Variants in ABCC12 observed in about 807,000 individuals in gnomAD.
ABCC12 encodes the protein ATP binding cassette subfamily C member 12, also known as ATP-binding cassette sub-family C member 12.
A neutral mutation model predicts 151.1 loss-of-function variants in ABCC12; 142 were observed. The ratio of observed to expected loss-of-function variants is 0.94; its 90% CI spans 0.82 to 1.08. The LOEUF is 1.08. Ranked by LOEUF, ABCC12 falls within the 50% of genes least tolerant of loss-of-function variation. ABCC12 has a pLI of 0.00. For synonymous variants in ABCC12, 645 were observed against 646.4 expected (o/e 1.00, Z 0.03); for missense variants, 1,638 against 1,691.1 (o/e 0.97, Z 0.55).
intron 29 of ABCC12, among the ~76,000 whole-genome samples, chr16:48,084,385 T>C (rs2150576748): frequency 6.6e-6 from 1 of 152,358 alleles, no homozygotes; most frequent in East Asian, 1.9e-4. Flanking sequence ...CTTTATCTAC[T>C]GTGCTAAACT....
chr16:48,107,871 G>A (rs1039893044), intron 19 of ABCC12, among the ~76,000 whole-genome samples: 3 of 151,966 alleles, frequency 2.0e-5, no homozygotes, highest in Admixed American at 6.6e-5. Context: ...GCATAGTGGC[G>A]GGTGCCTGTA....
intron 2 of ABCC12, among the ~76,000 whole-genome samples, chr16:48,151,206 G>A (rs776628868): frequency 1.3e-5 from 2 of 152,152 alleles, no homozygotes; most frequent in Admixed American, 6.5e-5. Context: ...ATATGATGGG[G>A]CAAAAAGGGC....
intron 15 of ABCC12, among the ~76,000 whole-genome samples, chr16:48,113,689 C>T (rs1963779139): frequency 6.6e-6 from 1 of 152,120 alleles, no homozygotes; most frequent in African/African-American, 2.4e-5. Context: ...CTGGTGGCTA[C>T]CTGCCTCTTC....
chr16:48,085,326 C>T lies in ABCC12; in HGVS notation c.3828+267G>A, dbSNP rs143580117. On this transcript the variant is annotated intron_variant, in intron 29 of 30. Transcript: ENST00000311303. The stretch of plus-strand genomic sequence containing the variant: ...AAAGTTGGGAGACAGATTTTTCAAA[C>T]TCAAACCACTTAGGCAAGCAGAGTG... 3.3e-5 allele frequency among the ~76,000 whole-genome samples: 5 copies of T among 152,242 alleles called. No homozygotes were observed. The East Asian group carries it at 9.7e-4, about 29-fold the overall frequency.
chr16:48,091,100 C>G lies in ABCC12; in HGVS notation c.3285+20G>C, dbSNP rs781606519. On this transcript the variant is annotated intron_variant, in intron 25 of 30. Coordinates refer to ENST00000311303, the MANE Select transcript of ABCC12 (RefSeq NM_001393797.1). ...GCCAAAATTAACTTGTCCCTCCTCT[C>G]TGATGCACTAATTTCTTACCGAAAT... The G allele has an allele frequency of 3.8e-5, 62 of 1,612,428 alleles. 1 individual carries two copies. The South Asian group carries it at 5.1e-4, about 13-fold the overall frequency.
chr16:48,126,378 C>T (rs1964239554), intron 11 of ABCC12, among the ~76,000 whole-genome samples: 1 of 152,158 alleles, frequency 6.6e-6, no homozygotes. Context: ...CACCTCCAAG[C>T]CAGGAGCTGG....
intron 14 of ABCC12, among the ~76,000 whole-genome samples, chr16:48,116,708 C>G (rs1326265091): frequency 6.6e-6 from 1 of 152,186 alleles, no homozygotes; most frequent in Non-Finnish European, 1.5e-5. Context: ...CTTTAGCCTT[C>G]TGATCTCCTC....
At chr16:48,131,270 C>A (rs768710097) in intron 9 of ABCC12, among the ~76,000 whole-genome samples, 3 of 152,200 alleles carry the variant, frequency 2.0e-5, no homozygotes, top group Non-Finnish European at 4.4e-5. Flanking sequence ...TCCTAAAGCA[C>A]CCCCTGCTCT....
chr16:48,104,091 A>AG (rs1241406976), intron 22 of ABCC12, 51 bp downstream of exon 22: 1 of 1,541,342 alleles, frequency 6.5e-7, no homozygotes, highest in African/African-American at 1.4e-5. Flanking sequence ...CCTGATACCC[A>AG]GTCAGTGTGT....
intron 13 of ABCC12, among the ~76,000 whole-genome samples, chr16:48,117,578 T>C (rs16945824): frequency 0.063 from 9,619 of 152,236 alleles, 1,014 homozygotes; most frequent in African/African-American, 0.22. Flanking sequence ...TGGCAGGGTT[T>C]TCGCCAAGCA....
chr16:48,087,943 C>G lies in ABCC12; in HGVS notation c.3618G>C (p.Leu1206=), dbSNP rs985348714. ...ACAGCTACCTTACTGTACCTACAAA[C>G]AGGACAGGATCCTGTGGGATCACAG... ...KLTVIPQDPV[L]FVGTVRYNLD... Residue 1206 remains leucine, a synonymous_variant, in exon 27 of 31, where the codon CTG becomes CTC. Coordinates refer to ENST00000311303, the MANE Select transcript of ABCC12 (RefSeq NM_001393797.1). 1.2e-6 allele frequency: 2 copies of G among 1,612,856 alleles called. No homozygotes were observed. Among genetic ancestry groups the G allele is most frequent in the African/African-American group, 1.3e-5 (1 of 74,822 alleles).
rs199886498 is a variant in ABCC12, at chr16:48,121,855, C to A, written c.1588-15G>T. 1.2e-6 allele frequency: 2 copies of A among 1,613,790 alleles called. No individual in the cohort carries two copies. Among genetic ancestry groups the A allele is most frequent in the African/African-American group, 2.7e-5 (2 of 74,920 alleles). The stretch of plus-strand genomic sequence containing the variant: ...TGCAGCTGCATCTGGAACAACAAGA[C>A]GGGAGAAGCTTCAGGAGCCAAGCCT... On this transcript the variant is annotated splice_polypyrimidine_tract_variant and intron_variant, in intron 12 of 30. Transcript: ENST00000311303.
intron 23 of ABCC12, among the ~76,000 whole-genome samples, chr16:48,097,725 T>C (rs1178797546): frequency 6.6e-6 from 1 of 152,130 alleles, no homozygotes; most frequent in African/African-American, 2.4e-5. Flanking sequence ...GATGTGACGG[T>C]CCCTGGCATG....
intron 2 of ABCC12, among the ~76,000 whole-genome samples, chr16:48,149,982 T>C (rs778227282): frequency 1.1e-4 from 17 of 152,204 alleles, no homozygotes; most frequent in Non-Finnish European, 1.9e-4. Flanking sequence ...GCACCCCTGG[T>C]GGGAATATAA....
Position 48,099,831 on chromosome 16 carries a change from C to A in ABCC12, c.3038+1041G>T, listed in dbSNP as rs528469792. Among the ~76,000 whole-genome samples the A allele has an allele frequency of 3.1e-3, 467 of 152,292 alleles. 2 individuals carry two copies. The highest frequency in any genetic ancestry group is 7.1e-3 in the Admixed American group (108 of 15,296). ...ACAGACTATGCCTGAGTGTGGAGTA[C>A]AATCACCTACTGTTGCCCCATGGAC... On this transcript the variant is annotated intron_variant, in intron 23 of 30. Coordinates refer to ENST00000311303, the MANE Select transcript of ABCC12 (RefSeq NM_001393797.1).
intron 2 of ABCC12, among the ~76,000 whole-genome samples, chr16:48,149,999 T>C (rs2150685890): frequency 6.6e-6 from 1 of 152,348 alleles, no homozygotes; most frequent in South Asian, 2.1e-4. Flanking sequence ...ATAAATTGTA[T>C]AACTAATTTT....
chr16:48,101,132 A>C, intron 22 of ABCC12, 123 bp from the exon 23 acceptor site: 1 of 1,186,922 alleles, frequency 8.4e-7, no homozygotes, highest in Non-Finnish European at 1.2e-6. Flanking sequence ...GTGCCATCTA[A>C]CTGGGGATGA....
At chr16:48,131,191 T>G (rs1197201549) in intron 9 of ABCC12, among the ~76,000 whole-genome samples, 2 of 152,304 alleles carry the variant, frequency 1.3e-5, no homozygotes, top group Admixed American at 1.3e-4. Flanking sequence ...CAGAATACAT[T>G]TGGCAATCTC....
intron 14 of ABCC12, among the ~76,000 whole-genome samples, chr16:48,116,341 G>A (rs1378656146): frequency 6.6e-6 from 1 of 152,170 alleles, no homozygotes; most frequent in Non-Finnish European, 1.5e-5. Context: ...GGGCAGGGTA[G>A]TTATGTACAT....
Sources: gnomAD v4.1 joint callset for allele counts (sites outside exome capture counted in the v4.1 genomes callset) on GRCh38, gnomAD v4.1.1 for gene constraint, MANE v1.5 for transcripts, NCBI Gene and HGNC (gene_info 2026-07-23, HGNC 2026-07-21) for gene names.